The following TMEM52B variants were observed in gnomAD, a reference collection of about 807,000 sequenced individuals.
TMEM52B encodes transmembrane protein 52B, also known as chromosome 12 open reading frame 59.
A neutral mutation model predicts 16.1 loss-of-function variants in TMEM52B; 11 were observed. The observed-to-expected ratio is 0.68, with a 90% CI of 0.43 to 1.13. The LOEUF (loss-of-function observed/expected upper bound fraction) is 1.13. TMEM52B is among the 50% of genes most tolerant of loss of function. TMEM52B has a pLI of 0.00. For missense variants in TMEM52B, 243 were observed against 230.4 expected, an observed-to-expected ratio of 1.05 and a Z score of -0.35; for synonymous variants, 101 against 93.8, an observed-to-expected ratio of 1.08 and a Z score of -0.45.
intron 2 of TMEM52B, 66 bp downstream of exon 2, chr12:10,182,659 G>T: frequency 1.4e-6 from 2 of 1,459,702 alleles, no homozygotes; most frequent in Admixed American, 2.3e-5. Context: ...CCAAAAGAGA[G>T]TCAAGATGTC....
intron 4 of TMEM52B, 151 bp downstream of exon 4, chr12:10,186,740 C>G (rs1948884951): frequency 1.3e-6 from 1 of 758,052 alleles, no homozygotes; most frequent in South Asian, 4.6e-5. Context: ...GGTGCAGTGA[C>G]CTGGGCTGTC....
intron 4 of TMEM52B, among the ~76,000 whole-genome samples, chr12:10,189,401 A>G (rs1364777636): frequency 1.3e-5 from 2 of 151,948 alleles, no homozygotes; most frequent in Admixed American, 6.6e-5. Context: ...AGGCGGGTGG[A>G]TCACCTGAGG....
chr12:10,190,780 A>G lies in TMEM52B; in HGVS notation c.*640A>G, dbSNP rs1490876348. The G allele has an allele frequency of 1.3e-5, 2 of 154,308 alleles. No homozygotes were observed. Among genetic ancestry groups the G allele is most frequent in the Non-Finnish European group, 2.9e-5 (2 of 69,362 alleles). The allele number at this position is 154,308 out of a possible 1,614,324, so 9.6% of individuals were successfully genotyped here. The stretch of plus-strand genomic sequence containing the variant: ...CAGTATGAAAAACTCCATACTGTGC[A>G]GTCACAGTTGGATTAATTCTTCAGT... On this transcript the variant is annotated 3_prime_UTR_variant, in exon 5 of 5. Transcript: ENST00000543484.
intron 1 of TMEM52B, among the ~76,000 whole-genome samples, chr12:10,173,801 C>A (rs1948744828): frequency 6.7e-6 from 1 of 149,706 alleles, no homozygotes; most frequent in South Asian, 2.1e-4. Context: ...AATACTGAAA[C>A]GATATCACAC....
chr12:10,186,446 T>G lies in TMEM52B; in HGVS notation c.164T>G (p.Leu55Arg). Residue 55 changes from leucine to arginine, a missense_variant, in exon 4 of 5, where the codon CTT (leucine) becomes CGT (arginine). Physicochemically the swap from Leu to Arg is moderately radical, Grantham distance 102 (BLOSUM62 -2). Transcript: ENST00000543484. ...TTGCTAGTGGTAATTGGCGCGCTGC[T>G]TCTCCTGTGTGGCCTGACGTCCCTG... Reference protein sequence around the residue: ...IWLLVVIGALLLLCGLTSLCF... With the variant: ...IWLLVVIGALRLLCGLTSLCF... 1 of 1,611,436 alleles carries G rather than the reference T, an allele frequency of 6.2e-7. No individual in the cohort carries two copies. The highest frequency in any genetic ancestry group is 1.3e-5 in the African/African-American group (1 of 75,024).
intron 1 of TMEM52B, among the ~76,000 whole-genome samples, chr12:10,181,488 C>T (rs1948821880): frequency 6.6e-6 from 1 of 151,598 alleles, no homozygotes; most frequent in Admixed American, 6.6e-5. Flanking sequence ...CATCACCACG[C>T]CGGGCTAATT....
In TMEM52B at chr12:10,179,547, G is replaced by C. The variant is rs768184277; in HGVS notation, c.-28G>C. ...AGGAGGCAACGGATGCCCAGTGCAA[G>C]ATTCTGAAGAAGCAGGAATTCAGCC... On this transcript the variant is annotated 5_prime_UTR_variant, in exon 1 of 5. Transcript: ENST00000543484. The C allele has an allele frequency of 6.2e-7, 1 of 1,614,100 alleles. No homozygotes were observed. Among genetic ancestry groups the C allele is most frequent in the Non-Finnish European group, 8.5e-7 (1 of 1,179,938 alleles).
At chr12:10,180,668 G>A (rs970900897) in intron 1 of TMEM52B, among the ~76,000 whole-genome samples, 1 of 152,102 alleles carries the variant, frequency 6.6e-6, no homozygotes, top group African/African-American at 2.4e-5. Context: ...TTCACTACCC[G>A]CCATAAACTC....
chr12:10,171,832 GTCA>G (rs1948721426), intron 1 of TMEM52B, among the ~76,000 whole-genome samples: 1 of 152,066 alleles, frequency 6.6e-6, no homozygotes, highest in South Asian at 2.1e-4. Context: ...TAAATAAGTT[GTCA>G]TCATCATCAT....
chr12:10,182,473 A>G (rs943023390), intron 1 of TMEM52B, 77 bp from the exon 2 acceptor site: 1 of 1,507,696 alleles, frequency 6.6e-7, no homozygotes, highest in Non-Finnish European at 8.9e-7. Flanking sequence ...CAGCACAACC[A>G]TGAGAGATGA....
At position 10,190,092 on chromosome 12, in the gene TMEM52B, G is replaced by T; in HGVS notation, c.504G>T (p.Leu168=). The part of the protein sequence containing the change: ...DLPPVPEEKQ[L]PPTEKESTRI... ...CCCCAGTACCTGAAGAAAAGCAGCTGCCTCCAACAGAGAAGGAGTCGACTC... is the reference window on the plus strand; with the variant it reads ...CCCCAGTACCTGAAGAAAAGCAGCTTCCTCCAACAGAGAAGGAGTCGACTC... Residue 168 remains leucine (L), a synonymous_variant, in exon 5 of 5, where the codon CTG becomes CTT. Coordinates refer to ENST00000543484, the MANE Select transcript of TMEM52B (RefSeq NM_001384896.1). The T allele has an allele frequency of 6.2e-7, 1 of 1,614,206 alleles. No individual in the cohort carries two copies. The highest frequency in any genetic ancestry group is 8.5e-7 in the Non-Finnish European group (1 of 1,180,038).
At chr12:10,171,630 G>T (rs1053071194) in intron 1 of TMEM52B, among the ~76,000 whole-genome samples, 4 of 152,138 alleles carry the variant, frequency 2.6e-5, no homozygotes. Context: ...TACAGTCCTA[G>T]CTCTACCACT....
At chr12:10,176,224 G>A (rs1432803863), upstream of TMEM52B, among the ~76,000 whole-genome samples, 1 of 152,064 alleles carries the variant, frequency 6.6e-6, no homozygotes, top group African/African-American at 2.4e-5. Flanking sequence ...TTAGGGACAG[G>A]ATTCAGAGTT....
intron 4 of TMEM52B, among the ~76,000 whole-genome samples, chr12:10,189,631 A>G (rs1948932631): frequency 6.7e-6 from 1 of 149,022 alleles, no homozygotes; most frequent in Non-Finnish European, 1.5e-5. Flanking sequence ...CTCAAAAAAA[A>G]AAAAAAAAAA....
At chr12:10,173,803 A>C (rs1427958951) in intron 1 of TMEM52B, among the ~76,000 whole-genome samples, 1 of 151,648 alleles carries the variant, frequency 6.6e-6, no homozygotes, top group Non-Finnish European at 1.5e-5. Context: ...TACTGAAACG[A>C]TATCACACTG....
At chr12:10,173,848 T>C (rs1948745359) in intron 1 of TMEM52B, among the ~76,000 whole-genome samples, 4 of 151,828 alleles carry the variant, frequency 2.6e-5, no homozygotes, top group Admixed American at 2.6e-4. Context: ...AGTGACTCAG[T>C]TATTTTGGAT....
chr12:10,189,782 G>C (rs1948935042), intron 4 of TMEM52B, 114 bp from the exon 5 acceptor site: 2 of 1,425,206 alleles, frequency 1.4e-6, no homozygotes, highest in African/African-American at 1.4e-5. Context: ...GAGTGACAAT[G>C]AGTTTGGATA....
In TMEM52B at chr12:10,172,034, G is replaced by A. The variant is rs751951658; in HGVS notation, c.-95+1183G>A. ...TTTTTTTCCATTTGACTTCTCATCA[G>A]GCTGGTCCTTCACAGTCTGGATCTT... On this transcript the variant is annotated intron_variant, in intron 1 of 5. Coordinates refer to the TMEM52B transcript ENST00000381923. 101 of 1,613,636 alleles carry A rather than the reference G, an allele frequency of 6.3e-5. No individual in the cohort carries two copies. Among genetic ancestry groups the A allele is most frequent in the Middle Eastern group, 4.9e-4 (3 of 6,080 alleles).
chr12:10,177,718 C>T (rs1052700694), upstream of TMEM52B, among the ~76,000 whole-genome samples: 4 of 148,462 alleles, frequency 2.7e-5, no homozygotes, highest in Admixed American at 6.8e-5. Flanking sequence ...TGCAGTGAGC[C>T]GAGATTGCAC....
Sources: gnomAD v4.1 joint callset for allele counts (sites outside exome capture counted in the v4.1 genomes callset) on GRCh38, gnomAD v4.1.1 for gene constraint, MANE v1.5 for transcripts, NCBI Gene and HGNC (gene_info 2026-07-23, HGNC 2026-07-21) for gene names.